EXOC6B: variants seen among roughly 807,000 people sequenced by gnomAD.
EXOC6B encodes the protein SEC15 homolog B.
A neutral mutation model predicts 113.5 loss-of-function variants in EXOC6B; 54 were observed. The ratio of observed to expected loss-of-function variants is 0.48; its 90% CI spans 0.38 to 0.60. The LOEUF (loss-of-function observed/expected upper bound fraction) is 0.60. Among genes scored for constraint, EXOC6B ranks in the 20% least tolerant of loss-of-function variants. The pLI is 0.00. For missense variants in EXOC6B, 797 were observed against 977.5 expected (o/e 0.82, Z 2.46); for synonymous variants, 357 against 339.0 (o/e 1.05, Z -0.58).
At chr2:72,494,754 T>C (rs887414863) in intron 15 of EXOC6B, among the ~76,000 whole-genome samples, 2 of 152,134 alleles carry the variant, frequency 1.3e-5, no homozygotes, top group African/African-American at 2.4e-5. Context: ...GCTTCTTAAT[T>C]AGACTAGGTA....
intron 18 of EXOC6B, among the ~76,000 whole-genome samples, chr2:72,439,196 TTTTTTAA>T (rs1696052164): frequency 6.6e-6 from 1 of 152,154 alleles, no homozygotes; most frequent in Admixed American, 6.5e-5. Context: ...ATATGTAAGG[TTTTTTAA>T]AGAAAAAAGT....
At chr2:72,370,073 C>T (rs1055529392) in intron 19 of EXOC6B, among the ~76,000 whole-genome samples, 1 of 152,164 alleles carries the variant, frequency 6.6e-6, no homozygotes, top group South Asian at 2.1e-4. Flanking sequence ...AGTGAACAGG[C>T]AACCTACAGA....
At chr2:72,361,401 T>C (rs1313320780) in intron 19 of EXOC6B, among the ~76,000 whole-genome samples, 1 of 152,010 alleles carries the variant, frequency 6.6e-6, no homozygotes, top group African/African-American at 2.4e-5. Flanking sequence ...ATCTGTCATA[T>C]ATGCTTGCCC....
chr2:72,245,000 AAG>A (rs1464221073), intron 20 of EXOC6B, among the ~76,000 whole-genome samples: 1 of 152,210 alleles, frequency 6.6e-6, no homozygotes, highest in Non-Finnish European at 1.5e-5. Flanking sequence ...TAAGTAAATG[AAG>A]AGTTATTCCA....
At chr2:72,737,774 C>T (rs989048982) in intron 2 of EXOC6B, among the ~76,000 whole-genome samples, 4 of 152,040 alleles carry the variant, frequency 2.6e-5, no homozygotes, top group Non-Finnish European at 5.9e-5. Flanking sequence ...ATCGCTTGAA[C>T]CTGGGAAGCA....
intron 6 of EXOC6B, among the ~76,000 whole-genome samples, chr2:72,639,062 C>G (rs1481865506): frequency 6.6e-6 from 1 of 152,184 alleles, no homozygotes; most frequent in Non-Finnish European, 1.5e-5. Context: ...CACTATCTCA[C>G]AGTCTCCCTC....
At chr2:72,601,835 T>C (rs556473975) in intron 6 of EXOC6B, among the ~76,000 whole-genome samples, 1 of 152,272 alleles carries the variant, frequency 6.6e-6, no homozygotes, top group African/African-American at 2.4e-5. Flanking sequence ...GAATATTATT[T>C]GGAAATAAAA....
At chr2:72,606,529 G>A (rs141504799) in intron 6 of EXOC6B, among the ~76,000 whole-genome samples, 5 of 151,898 alleles carry the variant, frequency 3.3e-5, no homozygotes, top group Non-Finnish European at 5.9e-5. Flanking sequence ...AGGAGTTGGA[G>A]ACCAGCCTAA....
intron 19 of EXOC6B, among the ~76,000 whole-genome samples, chr2:72,379,075 G>A (rs1691528479): frequency 6.6e-6 from 1 of 152,126 alleles, no homozygotes; most frequent in Non-Finnish European, 1.5e-5. Flanking sequence ...GGTGAAGGCT[G>A]TTCCATTTCC....
At chr2:72,559,249 A>G (rs1317913906) in intron 8 of EXOC6B, among the ~76,000 whole-genome samples, 2 of 152,212 alleles carry the variant, frequency 1.3e-5, no homozygotes, top group Non-Finnish European at 2.9e-5. Context: ...TGATTTATTG[A>G]TGACTAAGAA....
intron 19 of EXOC6B, among the ~76,000 whole-genome samples, chr2:72,358,952 T>C (rs1405956809): frequency 6.6e-6 from 1 of 152,178 alleles, no homozygotes; most frequent in African/African-American, 2.4e-5. Context: ...TAATTGCTAA[T>C]TGCATCATAT....
At position 72,648,583 on chromosome 2, in the gene EXOC6B, C is replaced by T. The variant is rs111366605; in HGVS notation, c.669+69520G>A. Reference sequence around the variant, plus strand: ...AAGAAAATGTGGCACATATACACCACAGAATACTATGCACTCCCATGTTAA... The same window carrying T: ...AAGAAAATGTGGCACATATACACCATAGAATACTATGCACTCCCATGTTAA... On this transcript the variant is annotated intron_variant, in intron 6 of 21. Coordinates refer to ENST00000272427, the MANE Select transcript of EXOC6B (RefSeq NM_015189.3). Among the ~76,000 whole-genome samples, 23 of 152,228 alleles carry T rather than the reference C, an allele frequency of 1.5e-4. 2 individuals are homozygous for T. Among genetic ancestry groups the T allele is most frequent in the African/African-American group, 4.6e-4 (19 of 41,554 alleles).
At chr2:72,236,275 G>A (rs957334742) in intron 20 of EXOC6B, among the ~76,000 whole-genome samples, 1 of 152,136 alleles carries the variant, frequency 6.6e-6, no homozygotes, top group African/African-American at 2.4e-5. Context: ...GAATAGGGCA[G>A]TAATATTGGG....
At chr2:72,190,299 T>C (rs1278907907) in intron 20 of EXOC6B, among the ~76,000 whole-genome samples, 3 of 152,194 alleles carry the variant, frequency 2.0e-5, no homozygotes, top group African/African-American at 7.2e-5. Context: ...CAGAAAGTAC[T>C]GATTTCTAAA....
At chr2:72,367,094 T>C (rs753313924) in intron 19 of EXOC6B, among the ~76,000 whole-genome samples, 125 of 152,108 alleles carry the variant, frequency 8.2e-4, no homozygotes, top group Non-Finnish European at 1.6e-3. Context: ...TAATAATGTA[T>C]TGTGGGGTTT....
chr2:72,380,693 T>G (rs1318393927), intron 18 of EXOC6B, among the ~76,000 whole-genome samples: 3 of 152,028 alleles, frequency 2.0e-5, no homozygotes, highest in African/African-American at 7.2e-5. Context: ...AAAGATTACC[T>G]GAAAAAAATA....
intron 18 of EXOC6B, among the ~76,000 whole-genome samples, chr2:72,413,454 G>A (rs1277446565): frequency 4.0e-5 from 6 of 150,498 alleles, no homozygotes; most frequent in Non-Finnish European, 7.4e-5. Flanking sequence ...TTGGGAGGCC[G>A]AGGTGGGCAG....
intron 6 of EXOC6B, among the ~76,000 whole-genome samples, chr2:72,673,177 T>G (rs1010469296): frequency 6.6e-6 from 1 of 152,208 alleles, no homozygotes; most frequent in East Asian, 1.9e-4. Flanking sequence ...GACAAGTCTT[T>G]ACATTGACTC....
intron 6 of EXOC6B, among the ~76,000 whole-genome samples, chr2:72,603,169 G>C (rs189795846): frequency 6.7e-6 from 1 of 149,950 alleles, no homozygotes; most frequent in African/African-American, 2.5e-5. Flanking sequence ...ATTTAAATGT[G>C]TGTTCTGACA....
Sources: gnomAD v4.1 joint callset for allele counts (sites outside exome capture counted in the v4.1 genomes callset) on GRCh38, gnomAD v4.1.1 for gene constraint, MANE v1.5 for transcripts, NCBI Gene and HGNC (gene_info 2026-07-23, HGNC 2026-07-21) for gene names.